Variants in FRMD4B observed in about 807,000 individuals in gnomAD.
FRMD4B encodes the protein FERM domain-containing protein 4B.
Under a neutral mutation model 141.5 loss-of-function variants are expected in FRMD4B, and 74 were observed. The observed-to-expected ratio is 0.52, with a 90% CI of 0.43 to 0.63. The LOEUF (loss-of-function observed/expected upper bound fraction) is 0.63, where lower values mean the gene tolerates loss of function less well. Among genes scored for constraint, FRMD4B ranks in the 30% least tolerant of loss-of-function variants. FRMD4B has a pLI of 0.00. For synonymous variants in FRMD4B, 506 were observed against 467.9 expected, an observed-to-expected ratio of 1.08 and a Z score of -1.05; for missense variants, 1,366 against 1,253.4, an observed-to-expected ratio of 1.09 and a Z score of -1.36.
chr3:69,526,708 C>T (rs367929791), intron 1 of FRMD4B, among the ~76,000 whole-genome samples: 86 of 152,242 alleles, frequency 5.6e-4, no homozygotes, highest in African/African-American at 2.0e-3. Flanking sequence ...CCTCTGATTT[C>T]CCTAACACTG....
intron 1 of FRMD4B, among the ~76,000 whole-genome samples, chr3:69,349,869 C>T (rs1488378410): frequency 2.0e-5 from 3 of 152,074 alleles, no homozygotes; most frequent in African/African-American, 4.8e-5. Flanking sequence ...ACCATAAAAA[C>T]CCTAGAAGAA....
At chr3:69,540,692 C>CACACAT (rs59055951) in intron 1 of FRMD4B, among the ~76,000 whole-genome samples, 12 of 128,924 alleles carry the variant, frequency 9.3e-5, no homozygotes, top group African/African-American at 3.5e-4. Flanking sequence ...CACACACACA[C>CACACAT]GGCAGTTATT....
At chr3:69,186,751 C>G (rs975182973) in intron 19 of FRMD4B, among the ~76,000 whole-genome samples, 12 of 152,312 alleles carry the variant, frequency 7.9e-5, no homozygotes, top group African/African-American at 2.6e-4. Context: ...GTTGCCCAGA[C>G]TGGTCTCCAA....
intron 1 of FRMD4B, among the ~76,000 whole-genome samples, chr3:69,364,222 C>T (rs1703569132): frequency 6.6e-6 from 1 of 152,238 alleles, no homozygotes; most frequent in Middle Eastern, 3.2e-3. Context: ...ACCTCAGTTA[C>T]TGCCTTGATG....
intron 2 of FRMD4B, among the ~76,000 whole-genome samples, chr3:69,408,387 C>T (rs1461369346): frequency 6.6e-6 from 1 of 152,166 alleles, no homozygotes; most frequent in African/African-American, 2.4e-5. Flanking sequence ...GAGCCAAGTG[C>T]CCCCAAAGGC....
intron 11 of FRMD4B, among the ~76,000 whole-genome samples, chr3:69,201,443 A>AAG (rs2092966742): frequency 6.6e-6 from 1 of 152,156 alleles, no homozygotes; most frequent in Non-Finnish European, 1.5e-5. Context: ...TAAAGTAATA[A>AAG]AAGTTTATAT....
At chr3:69,242,513 T>G (rs2093393068) in intron 7 of FRMD4B, among the ~76,000 whole-genome samples, 1 of 77,254 alleles carries the variant, frequency 1.3e-5, no homozygotes, top group African/African-American at 5.6e-5. Context: ...TTTTTTTTTT[T>G]TTTTTTTTTT....
At chr3:69,239,990 T>C (rs966264082) in intron 7 of FRMD4B, among the ~76,000 whole-genome samples, 3 of 150,954 alleles carry the variant, frequency 2.0e-5, no homozygotes. Context: ...GAGGCGGAGG[T>C]TGCAGTGAGC....
At position 69,171,777 on chromosome 3, in the gene FRMD4B, G is replaced by A. The variant is rs987206179; in HGVS notation, c.*84C>T. 2.9e-5 allele frequency: 40 copies of A among 1,396,596 alleles called. No individual in the cohort carries two copies. Among genetic ancestry groups the A allele is most frequent in the African/African-American group, 2.6e-4 (18 of 69,720 alleles). The allele number at this position is 1,396,596 out of a possible 1,614,324, so 86.5% of individuals were successfully genotyped here. Reference sequence around the variant, plus strand: ...TTTGATGTCTTTAGGTTTCTAAAACGAACATCCTCTCGGAAGACAAATACA... The same window carrying A: ...TTTGATGTCTTTAGGTTTCTAAAACAAACATCCTCTCGGAAGACAAATACA... On this transcript the variant is annotated 3_prime_UTR_variant, in exon 23 of 23. Transcript: ENST00000398540.
intron 7 of FRMD4B, among the ~76,000 whole-genome samples, chr3:69,245,311 C>T (rs1344055717): frequency 1.5e-5 from 2 of 131,376 alleles, no homozygotes; most frequent in East Asian, 4.4e-4. Flanking sequence ...TTTTGCCTGA[C>T]TTTCTTTGTG....
At chr3:69,402,200 G>A (rs1704574474) in intron 2 of FRMD4B, among the ~76,000 whole-genome samples, 1 of 152,192 alleles carries the variant, frequency 6.6e-6, no homozygotes, top group African/African-American at 2.4e-5. Context: ...TTAGGAAAGG[G>A]CATGTGATCA....
intron 2 of FRMD4B, among the ~76,000 whole-genome samples, chr3:69,393,019 A>G (rs1164304896): frequency 1.3e-5 from 2 of 152,082 alleles, no homozygotes; most frequent in Non-Finnish European, 2.9e-5. Context: ...GGAAGTAGCC[A>G]TTGTCCCCCT....
chr3:69,330,495 C>T (rs1297775312), intron 1 of FRMD4B, among the ~76,000 whole-genome samples: 7 of 151,064 alleles, frequency 4.6e-5, no homozygotes, highest in Non-Finnish European at 7.4e-5. Flanking sequence ...TACAGGTGTG[C>T]GGAAATATAC....
At chr3:69,448,146 C>A (rs1343655885) in intron 1 of FRMD4B, among the ~76,000 whole-genome samples, 2 of 151,894 alleles carry the variant, frequency 1.3e-5, no homozygotes, top group Non-Finnish European at 2.9e-5. Context: ...TCTCGTGGCT[C>A]AGCCTCCCAA....
intron 1 of FRMD4B, among the ~76,000 whole-genome samples, chr3:69,441,144 G>A (rs1705335149): frequency 6.6e-6 from 1 of 152,128 alleles, no homozygotes. Flanking sequence ...CACTAAGAAT[G>A]AAATTTGAAC....
chr3:69,358,483 C>A (rs775641009), intron 1 of FRMD4B, among the ~76,000 whole-genome samples: 22 of 152,186 alleles, frequency 1.4e-4, no homozygotes, highest in Non-Finnish European at 3.2e-4. Flanking sequence ...TGCCTGTAAT[C>A]CCAGCAGTTT....
intron 2 of FRMD4B, among the ~76,000 whole-genome samples, chr3:69,394,554 T>G (rs1204762705): frequency 6.6e-6 from 1 of 152,170 alleles, no homozygotes; most frequent in East Asian, 1.9e-4. Context: ...TAGGAACACT[T>G]TTATACTGTT....
chr3:69,219,650 T>C (rs1037750284), intron 9 of FRMD4B, among the ~76,000 whole-genome samples: 3 of 152,088 alleles, frequency 2.0e-5, no homozygotes, highest in Non-Finnish European at 4.4e-5. Context: ...AGGGCACATG[T>C]GCAGGATGTG....
intron 2 of FRMD4B, among the ~76,000 whole-genome samples, chr3:69,399,025 G>A (rs1257741828): frequency 6.6e-6 from 1 of 151,842 alleles, no homozygotes; most frequent in Non-Finnish European, 1.5e-5. Flanking sequence ...AAGGCACCAT[G>A]GTAAAATTGG....
Sources: gnomAD v4.1 joint callset for allele counts (sites outside exome capture counted in the v4.1 genomes callset) on GRCh38, gnomAD v4.1.1 for gene constraint, MANE v1.5 for transcripts, NCBI Gene and HGNC (gene_info 2026-07-23, HGNC 2026-07-21) for gene names.